Variants in SOX5 observed in about 807,000 individuals in gnomAD.
SOX5 encodes the protein transcription factor SOX-5.
SOX5 carries 9 observed loss-of-function variants against 92.0 expected under a neutral mutation model. That is an observed-to-expected ratio of 0.10 (90% CI 0.06 to 0.17). The LOEUF is 0.17. Ranked by LOEUF, SOX5 falls within the 10% of genes least tolerant of loss-of-function variation. The probability of loss-of-function intolerance (pLI) is 1.00; values close to 1 mark genes in which losing one functional copy is unlikely to be tolerated. For synonymous variants in SOX5, 344 were observed against 336.3 expected (o/e 1.02, Z -0.25); for missense variants, 642 against 944.5 (o/e 0.68, Z 4.20).
At position 24,281,087 on chromosome 12, in the gene SOX5, C is replaced by T. The variant is rs369898059; in HGVS notation, c.-173-3775G>A. Among the ~76,000 whole-genome samples, 77 of 150,678 alleles carry T rather than the reference C, an allele frequency of 5.1e-4. No homozygotes were observed. In the South Asian group the frequency reaches 0.012, roughly 24 times the overall value. ...ATATCACCTGACTTACTTTTTGTTTCCATGGGTACAAATAGAAAAGAGAAT... is the reference window on the plus strand; with the variant it reads ...ATATCACCTGACTTACTTTTTGTTTTCATGGGTACAAATAGAAAAGAGAAT... On this transcript the variant is annotated intron_variant, in intron 2 of 4. Transcript: ENST00000446891.
chr12:24,073,382 C>G (rs1488350249), intron 4 of SOX5, among the ~76,000 whole-genome samples: 1 of 152,152 alleles, frequency 6.6e-6, no homozygotes, highest in Non-Finnish European at 1.5e-5. Context: ...GTTTACGACC[C>G]CATGGACAAT....
intron 1 of SOX5, among the ~76,000 whole-genome samples, chr12:23,896,780 G>T (rs899466355): frequency 1.3e-5 from 2 of 149,428 alleles, no homozygotes; most frequent in African/African-American, 2.5e-5. Flanking sequence ...CTCTATGAAT[G>T]ATTTAGATGT....
chr12:23,869,509 C>A (rs2096850763), intron 2 of SOX5, among the ~76,000 whole-genome samples: 3 of 152,096 alleles, frequency 2.0e-5, no homozygotes, highest in Admixed American at 1.3e-4. Flanking sequence ...CACCAGCCTA[C>A]CGCCCTACTT....
chr12:23,884,385 CTAAT>C (rs1171082244), intron 2 of SOX5, among the ~76,000 whole-genome samples: 1 of 152,124 alleles, frequency 6.6e-6, no homozygotes, highest in Non-Finnish European at 1.5e-5. Context: ...TATATTAATA[CTAAT>C]TATTACATGA....
intron 6 of SOX5, among the ~76,000 whole-genome samples, chr12:23,718,968 A>C (rs758604677): frequency 6.6e-6 from 1 of 152,210 alleles, no homozygotes; most frequent in East Asian, 1.9e-4. Flanking sequence ...GGGGGAAGAC[A>C]TTATACCTAA....
chr12:24,238,173 A>C (rs1765816566), intron 3 of SOX5, among the ~76,000 whole-genome samples: 1 of 152,208 alleles, frequency 6.6e-6, no homozygotes, highest in South Asian at 2.1e-4. Flanking sequence ...AGAAAACATA[A>C]AGTTGCTGAA....
At chr12:24,381,105 T>A (rs1957778935) in intron 1 of SOX5, among the ~76,000 whole-genome samples, 1 of 152,178 alleles carries the variant, frequency 6.6e-6, no homozygotes, top group Admixed American at 6.5e-5. Flanking sequence ...GACCTTATCT[T>A]TGGAAGTACG....
chr12:24,143,868 AAGG>A (rs910030685), intron 4 of SOX5, among the ~76,000 whole-genome samples: 12 of 150,726 alleles, frequency 8.0e-5, no homozygotes, highest in East Asian at 2.0e-4. Flanking sequence ...GAAGGAGGAG[AAGG>A]AGGAGGAGGA....
At chr12:23,705,969 CT>C (rs561901229) in intron 6 of SOX5, among the ~76,000 whole-genome samples, 3,754 of 144,898 alleles carry the variant, frequency 0.026, 56 homozygotes, top group Non-Finnish European at 0.038. Context: ...CATTTAACAT[CT>C]TTTTTTTTTT....
At position 23,729,379 on chromosome 12, in the gene SOX5, A is replaced by T. The variant is rs555159024; in HGVS notation, c.810+5305T>A. Among the ~76,000 whole-genome samples, 4 of 152,250 alleles carry T rather than the reference A, an allele frequency of 2.6e-5. No individual in the cohort carries two copies. In the East Asian group the frequency reaches 7.7e-4, roughly 29 times the overall value. ...CAATCATCTTTTAAAAAACTATTCA[A>T]CATAATTAAAATTGCATTTCATACA... On this transcript the variant is annotated intron_variant, in intron 6 of 14. Transcript: ENST00000451604.
intron 1 of SOX5, among the ~76,000 whole-genome samples, chr12:24,409,985 G>T (rs1200764927): frequency 6.6e-6 from 1 of 150,550 alleles, no homozygotes; most frequent in Non-Finnish European, 1.5e-5. Flanking sequence ...CTTTCAATAG[G>T]ATCTTTCACA....
At chr12:23,646,054 C>T (rs952861747) in intron 7 of SOX5, among the ~76,000 whole-genome samples, 7 of 152,194 alleles carry the variant, frequency 4.6e-5, no homozygotes, top group Admixed American at 4.6e-4. Context: ...ATCATCTGAG[C>T]CTTCAGTGAG....
chr12:24,070,655 T>C (rs532007010), intron 4 of SOX5, among the ~76,000 whole-genome samples: 18 of 152,288 alleles, frequency 1.2e-4, no homozygotes, highest in African/African-American at 3.9e-4. Flanking sequence ...TTATCATTAG[T>C]TGAGACTTTT....
At chr12:24,077,028 T>C (rs1942711612) in intron 4 of SOX5, among the ~76,000 whole-genome samples, 1 of 152,136 alleles carries the variant, frequency 6.6e-6, no homozygotes, top group Non-Finnish European at 1.5e-5. Context: ...AGGTCAAATG[T>C]TTTAAAACTC....
chr12:24,446,907 C>T (rs558248816), intron 1 of SOX5, among the ~76,000 whole-genome samples: 190 of 152,226 alleles, frequency 1.2e-3, no homozygotes, highest in African/African-American at 4.5e-3. Context: ...CAGAAGCCAA[C>T]CTGAAGGAGC....
At chr12:23,953,003 G>T (rs979300102), upstream of SOX5, among the ~76,000 whole-genome samples, 1 of 152,080 alleles carries the variant, frequency 6.6e-6, no homozygotes, top group East Asian at 1.9e-4. Context: ...TGACCTGAAA[G>T]GCTTTCAGGT....
At chr12:24,136,325 T>G (rs1184855313) in intron 4 of SOX5, among the ~76,000 whole-genome samples, 3 of 152,208 alleles carry the variant, frequency 2.0e-5, no homozygotes, top group African/African-American at 7.2e-5. Flanking sequence ...TCCAATCTAC[T>G]GCAGTCCCAA....
chr12:23,760,737 T>C (rs1051920894), intron 3 of SOX5, among the ~76,000 whole-genome samples: 3 of 152,078 alleles, frequency 2.0e-5, no homozygotes, highest in Non-Finnish European at 4.4e-5. Context: ...GACTCCCTCA[T>C]CTGGAACAAT....
intron 1 of SOX5, among the ~76,000 whole-genome samples, chr12:24,387,300 G>A (rs576453434): frequency 2.6e-4 from 39 of 152,272 alleles, no homozygotes; most frequent in Admixed American, 1.0e-3. Flanking sequence ...AGCCCAGGAC[G>A]GCTTTGAATG....
Sources: gnomAD v4.1 joint callset for allele counts (sites outside exome capture counted in the v4.1 genomes callset) on GRCh38, gnomAD v4.1.1 for gene constraint, MANE v1.5 for transcripts, NCBI Gene and HGNC (gene_info 2026-07-23, HGNC 2026-07-21) for gene names.